The following CCDC148 variants were observed in gnomAD, a reference collection of about 807,000 sequenced individuals.
The protein encoded by CCDC148 is coiled-coil domain containing 148.
A neutral mutation model predicts 85.7 loss-of-function variants in CCDC148; 89 were observed. The observed-to-expected ratio is 1.04, with a 90% CI of 0.87 to 1.24. The LOEUF is 1.24. Ranked by LOEUF, CCDC148 falls within the 50% of genes most tolerant of loss-of-function variation. The pLI, the probability that CCDC148 is intolerant of heterozygous loss-of-function variation, is 0.00. For synonymous variants in CCDC148, 230 were observed against 213.9 expected, an observed-to-expected ratio of 1.08 and a Z score of -0.66; for missense variants, 692 against 671.7, an observed-to-expected ratio of 1.03 and a Z score of -0.33.
chr2:158,274,722 A>G (rs1689847220), intron 9 of CCDC148, among the ~76,000 whole-genome samples: 1 of 152,190 alleles, frequency 6.6e-6, no homozygotes, highest in African/African-American at 2.4e-5. Flanking sequence ...GCCATCCAAC[A>G]AGTTTATAGC....
At chr2:158,351,733 G>A (rs1385058201) in intron 2 of CCDC148, among the ~76,000 whole-genome samples, 1 of 152,128 alleles carries the variant, frequency 6.6e-6, no homozygotes, top group Non-Finnish European at 1.5e-5. Flanking sequence ...CACAGCTCAA[G>A]GAGGCCTGCC....
At chr2:158,200,597 T>C (rs1038969610) in intron 11 of CCDC148, among the ~76,000 whole-genome samples, 1 of 152,204 alleles carries the variant, frequency 6.6e-6, no homozygotes, top group Non-Finnish European at 1.5e-5. Flanking sequence ...ACTCATTGAC[T>C]AAGAAATTGA....
At chr2:158,195,097 A>G (rs915321530) in intron 11 of CCDC148, among the ~76,000 whole-genome samples, 1 of 151,964 alleles carries the variant, frequency 6.6e-6, no homozygotes, top group Non-Finnish European at 1.5e-5. Context: ...ATGCCTACAT[A>G]TGGACCTACA....
intron 13 of CCDC148, among the ~76,000 whole-genome samples, chr2:158,176,285 A>G (rs974060665): frequency 6.6e-6 from 1 of 152,100 alleles, no homozygotes; most frequent in African/African-American, 2.4e-5. Context: ...ATAAGCTTCA[A>G]TGACAGATTT....
At chr2:158,371,254 G>A (rs1231201209) in intron 1 of CCDC148, among the ~76,000 whole-genome samples, 1 of 151,900 alleles carries the variant, frequency 6.6e-6, no homozygotes, top group African/African-American at 2.4e-5. Flanking sequence ...CTAAAAGGCA[G>A]ACTATATTAA....
chr2:158,357,290 CA>C (rs1003388991), intron 2 of CCDC148, among the ~76,000 whole-genome samples: 19 of 139,982 alleles, frequency 1.4e-4, no homozygotes, highest in African/African-American at 1.8e-4. Context: ...TAAAAAAAAA[CA>C]AAAAAAAAGG....
chr2:158,414,958 T>G (rs1317055193), intron 1 of CCDC148, among the ~76,000 whole-genome samples: 1 of 152,104 alleles, frequency 6.6e-6, no homozygotes, highest in Non-Finnish European at 1.5e-5. Flanking sequence ...AGTGTAAACG[T>G]CTCTGTCACC....
At chr2:158,330,698 G>A (rs1183938808) in intron 7 of CCDC148, among the ~76,000 whole-genome samples, 1 of 152,140 alleles carries the variant, frequency 6.6e-6, no homozygotes, top group Admixed American at 6.6e-5. Context: ...CCTGTTATTG[G>A]TCTATTCAGA....
At chr2:158,429,919 C>G (rs566355757) in intron 1 of CCDC148, among the ~76,000 whole-genome samples, 1 of 152,084 alleles carries the variant, frequency 6.6e-6, no homozygotes, top group Non-Finnish European at 1.5e-5. Flanking sequence ...GCATTAGTAG[C>G]CTTCAGTAAT....
chr2:158,321,300 C>A (rs1446051286), intron 7 of CCDC148, among the ~76,000 whole-genome samples: 2 of 152,074 alleles, frequency 1.3e-5, no homozygotes, highest in Non-Finnish European at 2.9e-5. Context: ...AAAATATAAA[C>A]CCCAACATCA....
intron 9 of CCDC148, among the ~76,000 whole-genome samples, chr2:158,275,477 T>C (rs1226036378): frequency 6.6e-6 from 1 of 152,202 alleles, no homozygotes; most frequent in Non-Finnish European, 1.5e-5. Flanking sequence ...ATTAGGTTTT[T>C]CCTTTCTCAA....
chr2:158,228,881 G>T (rs1687703554), intron 10 of CCDC148, among the ~76,000 whole-genome samples: 1 of 149,202 alleles, frequency 6.7e-6, no homozygotes, highest in African/African-American at 2.5e-5. Context: ...ACTGGGTGCA[G>T]CACACCAACA....
intron 1 of CCDC148, among the ~76,000 whole-genome samples, chr2:158,374,342 T>G (rs1277427149): frequency 6.6e-6 from 1 of 152,014 alleles, no homozygotes; most frequent in Admixed American, 6.6e-5. Context: ...GCTATCTTAC[T>G]TCTCCAAGAG....
intron 9 of CCDC148, among the ~76,000 whole-genome samples, chr2:158,277,692 G>C (rs1402890195): frequency 6.6e-6 from 1 of 151,966 alleles, no homozygotes; most frequent in Non-Finnish European, 1.5e-5. Flanking sequence ...CACCTCCCAG[G>C]TTCACGCCAT....
At chr2:158,280,848 C>T (rs1357589391) in intron 9 of CCDC148, among the ~76,000 whole-genome samples, 2 of 152,268 alleles carry the variant, frequency 1.3e-5, no homozygotes, top group South Asian at 2.1e-4. Flanking sequence ...CACACCACAC[C>T]TATTCCAAAA....
At chr2:158,332,994 A>C (rs544773758) in intron 7 of CCDC148, among the ~76,000 whole-genome samples, 2 of 151,988 alleles carry the variant, frequency 1.3e-5, no homozygotes, top group Admixed American at 1.3e-4. Flanking sequence ...TCCTGGATTC[A>C]TTGATTTTTT....
chr2:158,315,400 C>T (rs773640482), intron 7 of CCDC148, among the ~76,000 whole-genome samples: 6 of 152,104 alleles, frequency 3.9e-5, no homozygotes, highest in Non-Finnish European at 7.4e-5. Context: ...TTCTGCATTA[C>T]CATACCACAA....
chr2:158,338,088 T>C (rs1682480829), intron 7 of CCDC148, among the ~76,000 whole-genome samples: 1 of 152,090 alleles, frequency 6.6e-6, no homozygotes, highest in Non-Finnish European at 1.5e-5. Context: ...CACTATAAGG[T>C]AGACCATTGA....
chr2:158,388,103 GA>G (rs1313615105), intron 1 of CCDC148, among the ~76,000 whole-genome samples: 5 of 152,168 alleles, frequency 3.3e-5, no homozygotes, highest in African/African-American at 1.2e-4. Context: ...CACATCAACA[GA>G]AATTCTCTAA....
Sources: gnomAD v4.1 joint callset for allele counts (sites outside exome capture counted in the v4.1 genomes callset) on GRCh38, gnomAD v4.1.1 for gene constraint, MANE v1.5 for transcripts, NCBI Gene and HGNC (gene_info 2026-07-23, HGNC 2026-07-21) for gene names.